The following MED12L variants were observed in gnomAD, a reference collection of about 807,000 sequenced individuals.
The protein encoded by MED12L is mediator complex subunit 12L.
MED12L carries 60 observed loss-of-function variants against 281.3 expected under a neutral mutation model. The ratio of observed to expected loss-of-function variants is 0.21; its 90% CI spans 0.17 to 0.26. The LOEUF (loss-of-function observed/expected upper bound fraction) is 0.26, where lower values mean the gene tolerates loss of function less well. Among genes scored for constraint, MED12L ranks in the 10% least tolerant of loss-of-function variants. MED12L has a pLI of 1.00. For missense variants in MED12L, 2,146 were observed against 2,680.9 expected (o/e 0.80, Z 4.41); for synonymous variants, 974 against 987.2 (o/e 0.99, Z 0.25).
chr3:151,102,290 G>T (rs1278088504), intron 2 of MED12L, among the ~76,000 whole-genome samples: 7 of 152,120 alleles, frequency 4.6e-5, no homozygotes, highest in African/African-American at 1.7e-4. Context: ...CCTAAGCTTG[G>T]TGGAGGATGA....
chr3:151,369,273 A>G (rs1452176120), intron 25 of MED12L, among the ~76,000 whole-genome samples, 163 bp from the exon 26 acceptor site: 1 of 152,244 alleles, frequency 6.6e-6, no homozygotes, highest in African/African-American at 2.4e-5. Flanking sequence ...TAAGTGAGGA[A>G]TACTGGCCAT....
intron 39 of MED12L, among the ~76,000 whole-genome samples, chr3:151,399,984 G>A (rs574038323): frequency 7.9e-5 from 12 of 152,160 alleles, no homozygotes; most frequent in East Asian, 1.9e-4. Context: ...GCACCACCCC[G>A]CCTGGCTGAT....
At chr3:151,144,482 C>T (rs565234823) in intron 5 of MED12L, among the ~76,000 whole-genome samples, 1 of 152,224 alleles carries the variant, frequency 6.6e-6, no homozygotes, top group South Asian at 2.1e-4. Context: ...CTTGTCAGAC[C>T]CTCCCTTGTC....
chr3:151,417,487 C>CGCTTT (rs1717736742), intron 43 of MED12L, among the ~76,000 whole-genome samples: 1 of 78,818 alleles, frequency 1.3e-5, no homozygotes, highest in African/African-American at 5.0e-5. Flanking sequence ...CCCCCCCCGC[C>CGCTTT]TTTTTTTTTT....
chr3:151,384,181 A>G lies in MED12L; in HGVS notation c.4889A>G (p.Asn1630Ser). The G allele has an allele frequency of 6.2e-7, 1 of 1,613,650 alleles. No homozygotes were observed. The highest frequency in any genetic ancestry group is 8.5e-7 in the Non-Finnish European group (1 of 1,179,844). ...GCATCCCCTGGGGGATCTGAAGAGA[A>G]CAAGCGTGCATACATGAATTTAGTA... ...SNASPGGSEE[N>S]KRAYMNLVKK... is the part of the protein sequence containing the mutation. The change falls in exon 35 of 45, where the codon AAC (asparagine) becomes AGC (serine). Residue 1630 changes from asparagine to serine, a missense_variant. This residue lies in a region of MED12L where 212 missense variants were observed against 340.8 expected (regional missense o/e 0.62). Coordinates refer to ENST00000687756, the MANE Select transcript of MED12L (RefSeq NM_001393769.1).
chr3:151,388,138 G>A lies in MED12L; in HGVS notation c.5417G>A (p.Arg1806Lys), dbSNP rs1216558026. The A allele has an allele frequency of 6.2e-6, 10 of 1,607,016 alleles. No homozygotes were observed. Among genetic ancestry groups the A allele is most frequent in the Non-Finnish European group, 3.4e-6 (4 of 1,179,116 alleles). The change falls in exon 37 of 45, where the codon AGG becomes AAG. Residue 1806 changes from arginine to lysine, a missense_variant. Arg to Lys is a conservative substitution (Grantham distance 26, BLOSUM62 2). Transcript: ENST00000687756. ...TTDEEKKTKG[R>K]KRKTKSSSRV... is the part of the protein sequence containing the mutation. The stretch of plus-strand genomic sequence containing the variant: ...GATGAAGAAAAGAAAACAAAAGGAA[G>A]GAAGCGCAAGACGAAATCTAGCTCA...
Position 151,413,300 on chromosome 3 carries a change from G to A in MED12L, c.6297+5G>A. 1.2e-6 allele frequency: 2 copies of A among 1,613,308 alleles called. No individual in the cohort carries two copies. The highest frequency in any genetic ancestry group is 1.7e-6 in the Non-Finnish European group (2 of 1,179,454). On this transcript the variant is annotated splice_donor_5th_base_variant and intron_variant, in intron 42 of 44. Coordinates refer to ENST00000687756, the MANE Select transcript of MED12L (RefSeq NM_001393769.1). ...CAGCAGCAGAGACTCCTCCAGGTAC[G>A]GGGCAGGGAGATGAGGGCAATGCCA...
At chr3:151,364,848 A>G (rs1051844831) in intron 21 of MED12L, 131 bp from the exon 22 acceptor site, 1 of 654,114 alleles carries the variant, frequency 1.5e-6, no homozygotes, top group African/African-American at 1.8e-5. Context: ...GTTCTAATTA[A>G]GAACTCATAA....
chr3:151,347,488 C>A (rs912789005), intron 16 of MED12L, among the ~76,000 whole-genome samples: 23 of 152,302 alleles, frequency 1.5e-4, no homozygotes, highest in Admixed American at 5.2e-4. Context: ...AAGTCTACTT[C>A]CCCTCCTTCT....
chr3:151,152,455 C>G (rs1576838524), intron 5 of MED12L, among the ~76,000 whole-genome samples: 1 of 152,164 alleles, frequency 6.6e-6, no homozygotes, highest in East Asian at 1.9e-4. Flanking sequence ...AATACTTATC[C>G]AGAGCATTGC....
chr3:151,174,606 G>C (rs1456339483), intron 11 of MED12L, among the ~76,000 whole-genome samples: 1 of 152,208 alleles, frequency 6.6e-6, no homozygotes, highest in Non-Finnish European at 1.5e-5. Flanking sequence ...TATCAACATT[G>C]ATTTTAAGGA....
chr3:151,213,236 T>C, intron 16 of MED12L: 1 of 1,238,862 alleles, frequency 8.1e-7, no homozygotes, highest in Non-Finnish European at 1.1e-6. Flanking sequence ...TCTTATTGAT[T>C]TCTGTTATGT....
In MED12L at chr3:151,268,122, C is replaced by G. The variant is rs151287782; in HGVS notation, c.2250+74456C>G. 5.1e-3 allele frequency among the ~76,000 whole-genome samples: 773 copies of G among 152,186 alleles called. 12 individuals are homozygous for G. Among genetic ancestry groups the G allele is most frequent in the African/African-American group, 0.017 (721 of 41,526 alleles). On this transcript the variant is annotated intron_variant, in intron 16 of 44. Coordinates refer to ENST00000687756, the MANE Select transcript of MED12L (RefSeq NM_001393769.1). Reference sequence around the variant, plus strand: ...GTGGGAATACTTCTTTTTATGTTTTCAGCTTACATGTTTTCAATACAAAGC... The same window carrying G: ...GTGGGAATACTTCTTTTTATGTTTTGAGCTTACATGTTTTCAATACAAAGC...
intron 6 of MED12L, 121 bp downstream of exon 6, chr3:151,156,451 C>A (rs1560102537): frequency 1.8e-5 from 17 of 921,714 alleles, no homozygotes; most frequent in Admixed American, 6.3e-5. Flanking sequence ...TCAAAGAAAG[C>A]AGTCTGACAT....
At chr3:151,243,175 A>G (rs1165218936) in intron 16 of MED12L, among the ~76,000 whole-genome samples, 1 of 152,082 alleles carries the variant, frequency 6.6e-6, no homozygotes, top group Non-Finnish European at 1.5e-5. Flanking sequence ...GAATGGAACC[A>G]AGTTGGAAAA....
In MED12L at chr3:151,247,969, T is replaced by TC. The variant is rs1430200751; in HGVS notation, c.2250+54303_2250+54304insC. ...TTCTTTCTTCTTCTTCTTCTTTTTT[T>TC]TTTTTTTTTTTTTTTTGCCTGAGAA... is the stretch of plus-strand genomic sequence containing the variant. On this transcript the variant is annotated intron_variant, in intron 16 of 44. Transcript: ENST00000687756. Among the ~76,000 whole-genome samples the TC allele has an allele frequency of 2.1e-5, 3 of 142,212 alleles. No homozygotes were observed. The East Asian group carries it at 6.1e-4, about 29-fold the overall frequency. The allele number at this position is 142,212 out of a possible 152,430, so 93.3% of individuals were successfully genotyped here.
At chr3:151,141,315 C>G (rs1051317014) in intron 5 of MED12L, among the ~76,000 whole-genome samples, 1 of 151,604 alleles carries the variant, frequency 6.6e-6, no homozygotes, top group Non-Finnish European at 1.5e-5. Context: ...AGCCACTGGG[C>G]CTGGCCAGTT....
intron 16 of MED12L, among the ~76,000 whole-genome samples, chr3:151,321,774 C>T (rs1176487039): frequency 1.3e-5 from 2 of 151,918 alleles, no homozygotes; most frequent in Admixed American, 6.6e-5. Context: ...AATTTAATTT[C>T]CTTTCTCTTT....
At position 151,329,427 on chromosome 3, in the gene MED12L, G is replaced by A. The variant is rs1280618254; in HGVS notation, c.2251-20632G>A. The A allele has an allele frequency of 3.6e-6, 4 of 1,115,752 alleles. No individual in the cohort carries two copies. In the African/African-American group the frequency reaches 4.7e-5, roughly 13 times the overall value. The allele number at this position is 1,115,752 out of a possible 1,614,324, so 69.1% of individuals were successfully genotyped here. A position where few individuals can be genotyped will look rare whatever the true frequency, so the allele number is the denominator to read the frequency against. On this transcript the variant is annotated intron_variant, in intron 16 of 44. Transcript: ENST00000687756. The stretch of plus-strand genomic sequence containing the variant: ...CTTTAAAGCACCTTTTTTCCCTTAA[G>A]CATATTCTTTTATATAAGCAAGCAC...
Sources: gnomAD v4.1 joint callset for allele counts (sites outside exome capture counted in the v4.1 genomes callset) on GRCh38, gnomAD v4.1.1 for gene constraint, gnomAD v4.1.1 regional missense constraint, MANE v1.5 for transcripts, NCBI Gene and HGNC (gene_info 2026-07-23, HGNC 2026-07-21) for gene names.